LRRC4C: variants seen among roughly 807,000 people sequenced by gnomAD.
The protein encoded by LRRC4C is leucine rich repeat containing 4C.
LRRC4C carries 5 observed loss-of-function variants against 33.6 expected under a neutral mutation model. That is an observed-to-expected ratio of 0.15 (90% CI 0.08 to 0.31). The LOEUF is 0.31. LRRC4C is among the 10% of genes least tolerant of loss of function. The pLI is 1.00. For missense variants in LRRC4C, 560 were observed against 796.7 expected, an observed-to-expected ratio of 0.70 and a Z score of 3.58; for synonymous variants, 329 against 302.0, an observed-to-expected ratio of 1.09 and a Z score of -0.93.
chr11:41,322,461 A>C (rs948206906), intron 1 of LRRC4C, among the ~76,000 whole-genome samples: 1 of 152,048 alleles, frequency 6.6e-6, no homozygotes, highest in Non-Finnish European at 1.5e-5. Flanking sequence ...ATTCAGGCCA[A>C]ATTTTCTCAG....
chr11:40,653,869 G>A (rs1012299455), intron 2 of LRRC4C, among the ~76,000 whole-genome samples: 5 of 152,154 alleles, frequency 3.3e-5, no homozygotes, highest in African/African-American at 1.2e-4. Flanking sequence ...CATGGGCCAG[G>A]GCCCAGGACC....
chr11:41,422,617 C>G (rs539918214), intron 1 of LRRC4C, among the ~76,000 whole-genome samples: 2 of 152,004 alleles, frequency 1.3e-5, no homozygotes. Flanking sequence ...ACGACTCCAC[C>G]CCAGGATGTT....
intron 4 of LRRC4C, among the ~76,000 whole-genome samples, chr11:40,307,385 G>A (rs1945093012): frequency 6.6e-6 from 1 of 152,130 alleles, no homozygotes; most frequent in South Asian, 2.1e-4. Flanking sequence ...GATTAGTCCT[G>A]AATTGTCCTG....
At chr11:40,521,593 A>G (rs7120216) in intron 3 of LRRC4C, among the ~76,000 whole-genome samples, 83,411 of 151,940 alleles carry the variant, frequency 0.55, 23,276 homozygotes, top group East Asian at 0.79. Flanking sequence ...AAAATAGGCC[A>G]GGCGCGGTGG....
intron 3 of LRRC4C, among the ~76,000 whole-genome samples, chr11:40,347,840 T>C (rs578216955): frequency 1.2e-4 from 18 of 152,330 alleles, no homozygotes; most frequent in Middle Eastern, 3.4e-3. Flanking sequence ...ACTCCCAACC[T>C]CAGGTGATCC....
chr11:40,494,764 T>G (rs1192243536), intron 3 of LRRC4C, among the ~76,000 whole-genome samples: 1 of 152,202 alleles, frequency 6.6e-6, no homozygotes, highest in Non-Finnish European at 1.5e-5. Context: ...AGTGAAGAGT[T>G]GTTGAGCAGC....
chr11:40,430,459 C>G (rs139064644), intron 3 of LRRC4C, among the ~76,000 whole-genome samples: 2 of 152,210 alleles, frequency 1.3e-5, no homozygotes, highest in African/African-American at 4.8e-5. Context: ...TCAAGCAACA[C>G]TAGATGCTAC....
At chr11:40,927,744 C>A (rs1236922194) in intron 2 of LRRC4C, among the ~76,000 whole-genome samples, 3 of 151,660 alleles carry the variant, frequency 2.0e-5, no homozygotes. Flanking sequence ...AATATAATTT[C>A]TATTATTACA....
chr11:40,470,068 C>A (rs1250597117), intron 3 of LRRC4C, among the ~76,000 whole-genome samples: 1 of 152,208 alleles, frequency 6.6e-6, no homozygotes, highest in African/African-American at 2.4e-5. Context: ...GGGTCCCTGA[C>A]CCCCATGCCT....
At chr11:40,632,855 C>G (rs1211169785) in intron 3 of LRRC4C, among the ~76,000 whole-genome samples, 1 of 152,132 alleles carries the variant, frequency 6.6e-6, no homozygotes, top group African/African-American at 2.4e-5. Context: ...GCAATAAAAA[C>G]CTTCAGGGAA....
intron 3 of LRRC4C, among the ~76,000 whole-genome samples, chr11:40,587,672 G>A (rs1372818777): frequency 6.6e-6 from 1 of 151,870 alleles, no homozygotes; most frequent in Non-Finnish European, 1.5e-5. Flanking sequence ...TTTGTTGAGA[G>A]TTTTTAGCAT....
intron 1 of LRRC4C, among the ~76,000 whole-genome samples, chr11:41,434,750 T>G (rs900395908): frequency 1.3e-5 from 2 of 152,114 alleles, no homozygotes; most frequent in African/African-American, 4.8e-5. Context: ...CCACAGGGAT[T>G]TTCTCCCATC....
chr11:41,086,788 A>AT (rs1006901376), intron 1 of LRRC4C, among the ~76,000 whole-genome samples: 2 of 151,598 alleles, frequency 1.3e-5, no homozygotes, highest in African/African-American at 2.4e-5. Flanking sequence ...TAAAAGTTTC[A>AT]TTTTTTTTCA....
At chr11:41,213,027 TAA>T (rs1946888308) in intron 1 of LRRC4C, among the ~76,000 whole-genome samples, 1 of 152,198 alleles carries the variant, frequency 6.6e-6, no homozygotes, top group Non-Finnish European at 1.5e-5. Context: ...ATAAAGGTAA[TAA>T]AGTTTGCCTC....
chr11:40,968,803 T>C (rs960650837), intron 1 of LRRC4C, among the ~76,000 whole-genome samples: 2 of 152,182 alleles, frequency 1.3e-5, no homozygotes, highest in African/African-American at 4.8e-5. Context: ...TCATTGACAG[T>C]GCACCTATTC....
chr11:40,471,769 A>C (rs1371903758), intron 3 of LRRC4C, among the ~76,000 whole-genome samples: 2 of 152,132 alleles, frequency 1.3e-5, no homozygotes, highest in African/African-American at 4.8e-5. Context: ...ACAGAAAATT[A>C]ACAAGGATAT....
chr11:41,239,577 AATGTGACTGTCTT>A (rs1948168861), intron 1 of LRRC4C, among the ~76,000 whole-genome samples: 1 of 152,034 alleles, frequency 6.6e-6, no homozygotes, highest in Admixed American at 6.6e-5. Flanking sequence ...GCCTCCCTCA[AATGTGACTGTCTT>A]ACCAAGGGCT....
intron 2 of LRRC4C, among the ~76,000 whole-genome samples, chr11:40,876,116 T>C (rs146742270): frequency 0.01 from 1,526 of 152,268 alleles, 24 homozygotes; most frequent in African/African-American, 0.035. Flanking sequence ...TCAGAATATA[T>C]GGAGATTGGA....
chr11:41,337,143 C>T (rs1385853347), intron 1 of LRRC4C, among the ~76,000 whole-genome samples: 3 of 152,046 alleles, frequency 2.0e-5, no homozygotes, highest in Admixed American at 6.6e-5. Flanking sequence ...CTCCTGGGCT[C>T]AAGCATTGCT....
Sources: allele counts gnomAD v4.1 joint callset (sites outside exome capture counted in the v4.1 genomes callset), GRCh38; gene constraint gnomAD v4.1.1; transcripts MANE v1.5; gene names NCBI Gene and HGNC (gene_info 2026-07-23, HGNC 2026-07-21).